The following PACC1 variants were observed in gnomAD, a reference collection of about 807,000 sequenced individuals.
The protein encoded by PACC1 is proton activated chloride channel 1.
In PACC1, 34 loss-of-function variants were observed where a neutral mutation model predicts 39.7. The ratio of observed to expected loss-of-function variants is 0.86; its 90% CI spans 0.65 to 1.14. PACC1 has a LOEUF of 1.14. Ranked by LOEUF, PACC1 falls within the 50% of genes most tolerant of loss-of-function variation. The pLI, the probability that PACC1 is intolerant of heterozygous loss-of-function variation, is 0.00. For synonymous variants in PACC1, 127 were observed against 160.6 expected (o/e 0.79, Z 1.58); for missense variants, 379 against 436.4 (o/e 0.87, Z 1.17).
intron 7 of PACC1, among the ~76,000 whole-genome samples, chr1:212,370,270 T>A (rs1660398336): frequency 6.6e-6 from 1 of 152,164 alleles, no homozygotes; most frequent in Non-Finnish European, 1.5e-5. Context: ...ATTGAGACCA[T>A]CCTGGCTAAC....
At chr1:212,379,794 C>T (rs1223840600) in intron 5 of PACC1, 101 bp downstream of exon 5, 4 of 1,459,048 alleles carry the variant, frequency 2.7e-6, no homozygotes, top group Non-Finnish European at 3.7e-6. Flanking sequence ...ATGCCCCTTC[C>T]CTTCCCTGCC....
In PACC1 at chr1:212,365,213, C is replaced by CTGG. The variant is rs1228364436; in HGVS notation, c.*1_*2insCCA. The CTGG allele has an allele frequency of 1.2e-6, 2 of 1,612,714 alleles. No individual in the cohort carries two copies. Among genetic ancestry groups the CTGG allele is most frequent in the Non-Finnish European group, 8.5e-7 (1 of 1,179,448 alleles). The stretch of plus-strand genomic sequence containing the variant: ...CAGTTCTCTAAACAACGCGAGGTGA[C>CTGG]TTCAGCTTATGTGGCTCGTTGCCTG... On this transcript the variant is annotated 3_prime_UTR_variant, in exon 8 of 8. Transcript: ENST00000261455.
chr1:212,412,760 C>T (rs1395172193), intron 1 of PACC1, among the ~76,000 whole-genome samples: 1 of 152,176 alleles, frequency 6.6e-6, no homozygotes, highest in Non-Finnish European at 1.5e-5. Flanking sequence ...GGCACATGTT[C>T]CTGCTAAGCC....
chr1:212,395,408 C>T (rs1413504327), intron 2 of PACC1, among the ~76,000 whole-genome samples: 1 of 152,154 alleles, frequency 6.6e-6, no homozygotes, highest in Admixed American at 6.5e-5. Context: ...AACTGGATCC[C>T]TTCCTTACAC....
At chr1:212,394,824 C>A (rs1353877465) in intron 2 of PACC1, among the ~76,000 whole-genome samples, 1 of 152,168 alleles carries the variant, frequency 6.6e-6, no homozygotes, top group Non-Finnish European at 1.5e-5. Flanking sequence ...CATGAGTGAA[C>A]TCCCATTCAC....
intron 2 of PACC1, among the ~76,000 whole-genome samples, chr1:212,401,037 T>G (rs1558180454): frequency 6.6e-6 from 1 of 152,208 alleles, no homozygotes. Flanking sequence ...CTTTTTTTTC[T>G]GTTTAGTGTG....
chr1:212,401,368 G>A (rs1023802507), intron 2 of PACC1, among the ~76,000 whole-genome samples: 1 of 152,090 alleles, frequency 6.6e-6, no homozygotes, highest in Non-Finnish European at 1.5e-5. Flanking sequence ...GCTCACACCT[G>A]TAATCCCAAC....
At chr1:212,406,345 C>T (rs1460562569) in intron 2 of PACC1, among the ~76,000 whole-genome samples, 2 of 151,942 alleles carry the variant, frequency 1.3e-5, no homozygotes, top group Non-Finnish European at 2.9e-5. Context: ...GGCAAAACCT[C>T]GTCTCTACTA....
At chr1:212,370,625 G>T (rs1660414209) in intron 7 of PACC1, among the ~76,000 whole-genome samples, 1 of 152,144 alleles carries the variant, frequency 6.6e-6, no homozygotes, top group African/African-American at 2.4e-5. Context: ...AATAAAACTA[G>T]AAATCAATAA....
chr1:212,384,738 T>C (rs1000023946), intron 4 of PACC1, among the ~76,000 whole-genome samples: 2 of 152,164 alleles, frequency 1.3e-5, no homozygotes, highest in Non-Finnish European at 2.9e-5. Context: ...CCCTCAGTCA[T>C]CCTTCCCAGC....
intron 3 of PACC1, among the ~76,000 whole-genome samples, chr1:212,385,867 G>T (rs1661082859): frequency 6.6e-6 from 1 of 152,126 alleles, no homozygotes; most frequent in Admixed American, 6.5e-5. Context: ...CACATCCCAA[G>T]AGTCCCTCCC....
intron 2 of PACC1, among the ~76,000 whole-genome samples, chr1:212,393,808 C>T (rs1264539885): frequency 6.6e-6 from 1 of 152,138 alleles, no homozygotes; most frequent in African/African-American, 2.4e-5. Flanking sequence ...ACTATAAACA[C>T]CTCTACGCAA....
At chr1:212,403,531 C>T (rs1466476242) in intron 2 of PACC1, among the ~76,000 whole-genome samples, 2 of 152,166 alleles carry the variant, frequency 1.3e-5, no homozygotes, top group Admixed American at 1.3e-4. Context: ...TGGGCCATCT[C>T]GACTTCAACT....
intron 1 of PACC1, among the ~76,000 whole-genome samples, chr1:212,412,532 G>C (rs545584089): frequency 2.0e-5 from 3 of 152,274 alleles, no homozygotes; most frequent in Admixed American, 6.5e-5. Flanking sequence ...GCCATTTTCT[G>C]GGTGGCCCCA....
rs2102499783 is a variant in PACC1, at chr1:212,387,049, A to G, written c.185T>C (p.Leu62Pro). Residue 62 changes from leucine to proline, a missense_variant, in exon 3 of 8, where the codon CTG (leucine) becomes CCG (proline). Transcript: ENST00000261455. ...GAGTAGGACCGAGAAGACGTTCTTC[A>G]GGCAGGCCTTGCTGAAGCGGATGCT... ...SSSIRFSKAC[L>P]KNVFSVLLIF... 6.2e-7 allele frequency: 1 copy of G among 1,614,228 alleles called. No individual in the cohort carries two copies. The highest frequency in any genetic ancestry group is 2.2e-5 in the East Asian group (1 of 44,880).
intron 2 of PACC1, among the ~76,000 whole-genome samples, chr1:212,398,718 CTG>C (rs757836774): frequency 1.7e-4 from 26 of 152,222 alleles, no homozygotes; most frequent in African/African-American, 2.9e-4. Context: ...CTAATAGACA[CTG>C]TGTCAATTTC....
intron 7 of PACC1, among the ~76,000 whole-genome samples, chr1:212,374,394 G>A (rs755853393): frequency 7.9e-5 from 12 of 152,158 alleles, no homozygotes; most frequent in Non-Finnish European, 1.8e-4. Context: ...GAGTAAAATG[G>A]TGGTTACCAG....
chr1:212,411,725 A>G (rs1662133321), intron 1 of PACC1, among the ~76,000 whole-genome samples: 2 of 152,198 alleles, frequency 1.3e-5, no homozygotes, highest in South Asian at 4.1e-4. Context: ...CTCACCTCCA[A>G]GAGACAAGTG....
At chr1:212,402,640 T>C (rs944939294) in intron 2 of PACC1, among the ~76,000 whole-genome samples, 1 of 152,194 alleles carries the variant, frequency 6.6e-6, no homozygotes, top group Non-Finnish European at 1.5e-5. Context: ...TAGTGTCCTT[T>C]GATACACAAA....
Sources: allele counts gnomAD v4.1 joint callset (sites outside exome capture counted in the v4.1 genomes callset), GRCh38; gene constraint gnomAD v4.1.1; transcripts MANE v1.5; gene names NCBI Gene and HGNC (gene_info 2026-07-23, HGNC 2026-07-21).